Variants in ALKBH8 observed in about 807,000 individuals in gnomAD.
The protein encoded by ALKBH8 is alkB homolog 8, tRNA methyltransferase.
In ALKBH8, 36 loss-of-function variants were observed where a neutral mutation model predicts 59.8. The ratio of observed to expected loss-of-function variants is 0.60; its 90% CI spans 0.46 to 0.79. The LOEUF (loss-of-function observed/expected upper bound fraction) is 0.79. ALKBH8 is among the 30% of genes least tolerant of loss of function. ALKBH8 has a pLI of 0.00. For missense variants in ALKBH8, 768 were observed against 801.0 expected, an observed-to-expected ratio of 0.96 and a Z score of 0.50; for synonymous variants, 276 against 273.6, an observed-to-expected ratio of 1.01 and a Z score of -0.09.
chr11:107,504,397 A>T lies in ALKBH8; in HGVS notation c.*261T>A. The stretch of plus-strand genomic sequence containing the variant: ...TCCTGGGCTCTTACCCAAGAATTAC[A>T]AACACTGCACAAACTGCTTCAATCA... On this transcript the variant is annotated 3_prime_UTR_variant, in exon 12 of 12. Transcript: ENST00000428149. 1 of 600,086 alleles carries T rather than the reference A, an allele frequency of 1.7e-6. No homozygotes were observed. The highest frequency in any genetic ancestry group is 2.9e-6 in the Non-Finnish European group (1 of 342,274). The allele number at this position is 600,086 out of a possible 1,614,324, so 37.2% of individuals were successfully genotyped here. A position where few individuals can be genotyped will look rare whatever the true frequency, so the allele number is the denominator to read the frequency against.
At chr11:107,534,712 A>G (rs1164426828) in intron 7 of ALKBH8, among the ~76,000 whole-genome samples, 4 of 152,090 alleles carry the variant, frequency 2.6e-5, no homozygotes. Context: ...CAACCAAATA[A>G]GCTAAATGTT....
chr11:107,565,164 G>A, intron 1 of ALKBH8: 1 of 177,840 alleles, frequency 5.6e-6, no homozygotes, highest in Non-Finnish European at 1.2e-5. Context: ...GACGCTACCA[G>A]AGGTCCAGGA....
At chr11:107,546,832 T>A (rs1479081095) in intron 7 of ALKBH8, among the ~76,000 whole-genome samples, 1 of 152,156 alleles carries the variant, frequency 6.6e-6, no homozygotes, top group African/African-American at 2.4e-5. Flanking sequence ...TAATATAAAA[T>A]GTACACTATT....
intron 8 of ALKBH8, among the ~76,000 whole-genome samples, chr11:107,529,405 A>G (rs1262800507): frequency 2.6e-5 from 4 of 152,128 alleles, no homozygotes; most frequent in Non-Finnish European, 4.4e-5. Context: ...GTTTAGAAAT[A>G]TATTGTTTAT....
intron 1 of ALKBH8, among the ~76,000 whole-genome samples, chr11:107,564,316 G>A (rs1438321247): frequency 6.6e-6 from 1 of 151,704 alleles, no homozygotes; most frequent in Non-Finnish European, 1.5e-5. Context: ...ATAATAGAGA[G>A]CCTATTATGA....
At chr11:107,510,322 T>C (rs116896648) in intron 11 of ALKBH8, among the ~76,000 whole-genome samples, 2,013 of 151,960 alleles carry the variant, frequency 0.013, 24 homozygotes, top group South Asian at 0.034. Context: ...AAATATTAAA[T>C]ATTAAATTCA....
At chr11:107,551,421 C>G (rs957323275) in intron 6 of ALKBH8, among the ~76,000 whole-genome samples, 2 of 152,186 alleles carry the variant, frequency 1.3e-5, no homozygotes, top group African/African-American at 4.8e-5. Context: ...TGGCTGGGCG[C>G]GGTGGCTCAT....
In ALKBH8 at chr11:107,551,869, C is replaced by G; in HGVS notation, c.639G>C (p.Arg213Ser). ...ICESFLEKWL[R>S]KGYIKHKPDQ... is the part of the protein sequence containing the mutation. ...CAGGTTTATGTTTAATGTAACCTTT[C>G]CTCAACCATTTCTCCAAAAAGCTTT... The change falls in exon 6 of 12, where the codon AGG becomes AGC. Residue 213 changes from arginine to serine, a missense_variant. Transcript: ENST00000428149. 1 of 1,554,564 alleles carries G rather than the reference C, an allele frequency of 6.4e-7. No individual in the cohort carries two copies. The highest frequency in any genetic ancestry group is 1.2e-5 in the South Asian group (1 of 80,610).
intron 10 of ALKBH8, among the ~76,000 whole-genome samples, chr11:107,513,174 A>G (rs1862711691): frequency 1.3e-5 from 2 of 152,236 alleles, no homozygotes; most frequent in South Asian, 4.1e-4. Flanking sequence ...TAATATGCAG[A>G]ATCTATAAGG....
rs1344232035 is a variant in ALKBH8, at chr11:107,513,920, A to T, written c.1288-2884T>A. On this transcript the variant is annotated intron_variant, in intron 10 of 11. Transcript: ENST00000428149. The stretch of plus-strand genomic sequence containing the variant: ...CAAAGTGGCGGGGTGGTGTACAGAT[A>T]AAAAAAACTACCTATCAGGTACTAT... 4.0e-5 allele frequency among the ~76,000 whole-genome samples: 6 copies of T among 151,812 alleles called. No homozygotes were observed. In the East Asian group the frequency reaches 7.7e-4, roughly 20 times the overall value.
chr11:107,548,329 C>A (rs1032489893), intron 7 of ALKBH8, among the ~76,000 whole-genome samples: 1 of 152,224 alleles, frequency 6.6e-6, no homozygotes, highest in Non-Finnish European at 1.5e-5. Context: ...GAAGTATTAA[C>A]AAGTTCACTT....
chr11:107,564,152 C>A (rs1435347256), intron 1 of ALKBH8, among the ~76,000 whole-genome samples: 2 of 152,082 alleles, frequency 1.3e-5, no homozygotes, highest in Non-Finnish European at 2.9e-5. Flanking sequence ...TCCGGTTCAG[C>A]CAGCTCCAGC....
intron 10 of ALKBH8, among the ~76,000 whole-genome samples, chr11:107,521,376 A>G (rs546646): frequency 0.94 from 142,488 of 152,156 alleles, 66,864 homozygotes; most frequent in South Asian, 0.97. Context: ...TATTTGATTT[A>G]GCTTCAATTT....
In ALKBH8 at chr11:107,511,039, G is replaced by A. The variant is rs654093; in HGVS notation, c.1288-3C>T. 0.52 allele frequency: 807,146 copies of A among 1,549,972 alleles called. 218,281 individuals carry two copies. Among genetic ancestry groups the A allele is most frequent in the Non-Finnish European group, 0.56 (642,810 of 1,145,954 alleles). On this transcript the variant is annotated splice_region_variant and splice_polypyrimidine_tract_variant and intron_variant, in intron 10 of 11. Transcript: ENST00000428149. ...TTTTGGCTACGATCACAACCAATCT[G>A]TAACAGAGAAGGAATTCCATAACAT... is the stretch of plus-strand genomic sequence containing the variant.
intron 2 of ALKBH8, 137 bp downstream of exon 2, chr11:107,560,628 T>C: frequency 1.3e-6 from 1 of 768,958 alleles, no homozygotes; most frequent in East Asian, 2.8e-5. Flanking sequence ...TAGCAGTTCA[T>C]ATCATATGTA....
chr11:107,555,395 CA>C (rs144538178), intron 3 of ALKBH8, among the ~76,000 whole-genome samples: 3,857 of 152,270 alleles, frequency 0.025, 148 homozygotes, highest in African/African-American at 0.084. Flanking sequence ...AAGAGCACTC[CA>C]AAACTTACTT....
chr11:107,555,665 A>G (rs1864678224), intron 3 of ALKBH8, among the ~76,000 whole-genome samples: 1 of 152,204 alleles, frequency 6.6e-6, no homozygotes, highest in African/African-American at 2.4e-5. Flanking sequence ...GTCTTATTTT[A>G]CAAAAACATA....
At chr11:107,511,567 C>CA (rs1565313147) in intron 10 of ALKBH8, among the ~76,000 whole-genome samples, 5 of 151,580 alleles carry the variant, frequency 3.3e-5, no homozygotes, top group South Asian at 4.2e-4. Flanking sequence ...AAATCCCCCC[C>CA]AAAAAAAATC....
rs1392262237 is a variant in ALKBH8, at chr11:107,503,262, G to A, written c.*1396C>T. The A allele has an allele frequency of 6.6e-6, 1 of 151,930 alleles. No homozygotes were observed. Among genetic ancestry groups the A allele is most frequent in the Non-Finnish European group, 1.5e-5 (1 of 67,988 alleles). 9.4% of individuals were successfully genotyped at this position (151,930 alleles called of 1,614,324 possible). On this transcript the variant is annotated 3_prime_UTR_variant, in exon 12 of 12. Coordinates refer to ENST00000428149, the MANE Select transcript of ALKBH8 (RefSeq NM_138775.3). ...TTATAAATTCATCCCAGAGGGACCAGTACACCAGGATGTTGGACTGAAATT... is the reference window on the plus strand; with the variant it reads ...TTATAAATTCATCCCAGAGGGACCAATACACCAGGATGTTGGACTGAAATT...
Sources: gnomAD v4.1 joint callset for allele counts (sites outside exome capture counted in the v4.1 genomes callset) on GRCh38, gnomAD v4.1.1 for gene constraint, MANE v1.5 for transcripts, NCBI Gene and HGNC (gene_info 2026-07-23, HGNC 2026-07-21) for gene names.